Variants in KRT77 observed in about 807,000 individuals in gnomAD.
The protein encoded by KRT77 is keratin 77.
A neutral mutation model predicts 51.5 loss-of-function variants in KRT77; 44 were observed. The observed-to-expected ratio is 0.85, with a 90% confidence interval of 0.67 to 1.10. The LOEUF (loss-of-function observed/expected upper bound fraction) is 1.10, where lower values mean the gene tolerates loss of function less well. KRT77 is among the 50% of genes least tolerant of loss of function. KRT77 has a pLI of 0.00. For synonymous variants in KRT77, 293 were observed against 302.0 expected (o/e 0.97, Z 0.31); for missense variants, 763 against 743.9 (o/e 1.03, Z -0.30).
Position 52,700,880 on chromosome 12 carries a change from G to T in KRT77, c.543+2012C>A, listed in dbSNP as rs140977403. ...GGCTCTGCTGTGGTGTCAAGTATAGGCTATACAGGGTCAAGGGTGAAAGCA... is the reference window on the plus strand; with the variant it reads ...GGCTCTGCTGTGGTGTCAAGTATAGTCTATACAGGGTCAAGGGTGAAAGCA... On this transcript the variant is annotated intron_variant, in intron 1 of 8. Transcript: ENST00000341809. 3.0e-3 allele frequency among the ~76,000 whole-genome samples: 450 copies of T among 152,300 alleles called. 5 individuals are homozygous for T. Among genetic ancestry groups the T allele is most frequent in the African/African-American group, 0.01 (429 of 41,550 alleles).
intron 1 of KRT77, among the ~76,000 whole-genome samples, chr12:52,699,593 C>A (rs1941854114): frequency 6.6e-6 from 1 of 152,236 alleles, no homozygotes; most frequent in Admixed American, 6.5e-5. Flanking sequence ...CCTTCTCGCC[C>A]ACCCTCTGCT....
In KRT77 at chr12:52,690,937, G is replaced by A. The variant is rs927943611; in HGVS notation, c.*228C>T. ...AGGGCCAGCAGAGCGGGGTCTGAGT[G>A]AGAATGTGCCTAGCTGTGAATCTGA... On this transcript the variant is annotated 3_prime_UTR_variant, in exon 9 of 9. Coordinates refer to ENST00000341809, the MANE Select transcript of KRT77 (RefSeq NM_175078.3). 12 of 626,492 alleles carry A rather than the reference G, an allele frequency of 1.9e-5. No homozygotes were observed. Among genetic ancestry groups the A allele is most frequent in the African/African-American group, 1.5e-4 (8 of 53,640 alleles). The allele number at this position is 626,492 out of a possible 1,614,324, so 38.8% of individuals were successfully genotyped here.
chr12:52,695,996 A>G (rs1941790311), intron 3 of KRT77, 129 bp from the exon 4 acceptor site: 2 of 666,098 alleles, frequency 3.0e-6, no homozygotes, highest in South Asian at 3.5e-5. Context: ...TCATCACCGC[A>G]CTCGAATAAG....
At chr12:52,696,619 C>T (rs1293879119) in intron 2 of KRT77, 189 bp from the exon 3 acceptor site, 2 of 579,452 alleles carry the variant, frequency 3.5e-6, no homozygotes, top group South Asian at 2.3e-5. Context: ...GAGCCAACTC[C>T]TAGGTCTGTG....
Position 52,692,799 on chromosome 12 carries a change from T to G in KRT77, c.1162A>C (p.Thr388Pro), listed in dbSNP as rs1210675064. 2 of 1,604,282 alleles carry G rather than the reference T, an allele frequency of 1.2e-6. No individual in the cohort carries two copies. The highest frequency in any genetic ancestry group is 1.7e-6 in the Non-Finnish European group (2 of 1,171,724). The part of the protein sequence containing the change: ...SKMEIAELNR[T>P]VQRLQAEISN... ...ATCTCTGCCTGCAGCCTCTGGACGG[T>G]GCGGTTGAGCTCTGCAATCTCCATC... The change falls in exon 6 of 9, where the codon ACC (threonine) becomes CCC (proline). Residue 388 changes from threonine (T) to proline (P), a missense_variant. Coordinates refer to ENST00000341809, the MANE Select transcript of KRT77 (RefSeq NM_175078.3).
rs767088475 is a variant in KRT77 at position 52,694,805 on chromosome 12, G to A, written c.916-15C>T. ...TGAGACAGCTCCTGCGAGGCATGGCGCACAGGCTGACTCCTTCCATTCTCC... is the reference window on the plus strand; with the variant it reads ...TGAGACAGCTCCTGCGAGGCATGGCACACAGGCTGACTCCTTCCATTCTCC... On this transcript the variant is annotated splice_polypyrimidine_tract_variant and intron_variant, in intron 4 of 8. Coordinates refer to ENST00000341809, the MANE Select transcript of KRT77 (RefSeq NM_175078.3). The A allele has an allele frequency of 1.4e-5, 22 of 1,588,310 alleles. No individual in the cohort carries two copies. Among genetic ancestry groups the A allele is most frequent in the Admixed American group, 3.4e-5 (2 of 59,414 alleles).
intron 7 of KRT77, 106 bp downstream of exon 7, chr12:52,692,315 A>G: frequency 7.8e-7 from 1 of 1,289,668 alleles, no homozygotes; most frequent in Non-Finnish European, 1.1e-6. Flanking sequence ...CTGGGCTACC[A>G]ATCTTCCCAA....
intron 5 of KRT77, 30 bp from the exon 6 acceptor site, chr12:52,692,910 A>ATG (rs1295434787): frequency 1.2e-6 from 2 of 1,600,066 alleles, no homozygotes; most frequent in South Asian, 2.2e-5. Flanking sequence ...CATAGTCAGC[A>ATG]TGTGCTGCCC....
In KRT77 at chr12:52,699,148, G is replaced by C. The variant is rs969525876; in HGVS notation, c.544-1252C>G. Among the ~76,000 whole-genome samples the C allele has an allele frequency of 3.3e-5, 5 of 152,330 alleles. 1 individual carries two copies. In the South Asian group the frequency reaches 1.0e-3, roughly 32 times the overall value. ...TTGTCAGCACAGCTCACAACACCGT[G>C]AGAAATTCCTGCCACTCTCTATTTT... On this transcript the variant is annotated intron_variant, in intron 1 of 8. Coordinates refer to ENST00000341809, the MANE Select transcript of KRT77 (RefSeq NM_175078.3).
In KRT77 at chr12:52,690,114, C is replaced by T. The variant is rs1592270282; in HGVS notation, c.*1051G>A. ...CCCGAGGCACCTGGATGGAACAGAG[C>T]TGGGCTTCACATGCCCACCCAATGG... On this transcript the variant is annotated 3_prime_UTR_variant, in exon 9 of 9. Transcript: ENST00000341809. The T allele has an allele frequency of 6.6e-6, 1 of 152,362 alleles. No individual in the cohort carries two copies. Among genetic ancestry groups the T allele is most frequent in the South Asian group, 2.1e-4 (1 of 4,824 alleles). The allele number at this position is 152,362 out of a possible 1,614,324, so 9.4% of individuals were successfully genotyped here. A position where few individuals can be genotyped will look rare whatever the true frequency, so the allele number is the denominator to read the frequency against.
rs147856424 is a variant in KRT77, at chr12:52,692,499, T to C, written c.1349A>G (p.Gln450Arg). 15 of 1,613,904 alleles carry C rather than the reference T, an allele frequency of 9.3e-6. No individual in the cohort carries two copies. The African/African-American group carries it at 1.7e-4, about 19-fold the overall frequency. ...EELARLLRDY[Q>R]AMLGVKLSLD... Reference sequence around the variant, plus strand: ...GGACAGCTTGACCCCCAGCATGGCCTGGTAGTCACGCAGCAGCCGGGCCAG... The same window carrying C: ...GGACAGCTTGACCCCCAGCATGGCCCGGTAGTCACGCAGCAGCCGGGCCAG... The change falls in exon 7 of 9, where the codon CAG (glutamine) becomes CGG (arginine). Residue 450 changes from glutamine (Q) to arginine (R), a missense_variant. By Grantham distance (43) the Gln-to-Arg change is conservative (BLOSUM62 1). Transcript: ENST00000341809.
Position 52,697,357 on chromosome 12 carries a change from A to C in KRT77, c.758+325T>G, listed in dbSNP as rs114065142. On this transcript the variant is annotated intron_variant, in intron 2 of 8. Coordinates refer to ENST00000341809, the MANE Select transcript of KRT77 (RefSeq NM_175078.3). ...GGAAGGTTCTTGCTATTCCCACATT[A>C]CTAATGTGAACACTAGAAACTTAAA... Among the ~76,000 whole-genome samples, 430 of 152,346 alleles carry C rather than the reference A, an allele frequency of 2.8e-3. 1 individual carries two copies. The highest frequency in any genetic ancestry group is 9.7e-3 in the African/African-American group (405 of 41,580).
chr12:52,693,734 T>A (rs1046306136), intron 5 of KRT77: 1 of 151,016 alleles, frequency 6.6e-6, no homozygotes, highest in Non-Finnish European at 1.5e-5. Context: ...GTTGATCTAA[T>A]AAGGGAGGGT....
At chr12:52,700,138 C>T (rs1392067394) in intron 1 of KRT77, among the ~76,000 whole-genome samples, 2 of 152,150 alleles carry the variant, frequency 1.3e-5, no homozygotes, top group Non-Finnish European at 2.9e-5. Flanking sequence ...TCTGAGCGTC[C>T]AGCACTGACC....
intron 1 of KRT77, among the ~76,000 whole-genome samples, chr12:52,700,689 G>A (rs892192466): frequency 1.3e-5 from 2 of 152,210 alleles, no homozygotes; most frequent in African/African-American, 4.8e-5. Context: ...ACCCAGTGAG[G>A]GCAACGTGGC....
At chr12:52,694,826 T>C (rs1394809926) in intron 4 of KRT77, 36 bp from the exon 5 acceptor site, 4 of 1,548,416 alleles carry the variant, frequency 2.6e-6, no homozygotes, top group Non-Finnish European at 3.5e-6. Flanking sequence ...CTCCTTCCAT[T>C]CTCCTCTGGG....
At chr12:52,698,063 A>G (rs1038510185) in intron 1 of KRT77, 167 bp from the exon 2 acceptor site, 4 of 1,457,418 alleles carry the variant, frequency 2.7e-6, no homozygotes, top group African/African-American at 2.8e-5. Flanking sequence ...ACAGAGGGCA[A>G]TGTGGTTTCT....
chr12:52,694,589 T>C, intron 5 of KRT77, 37 bp downstream of exon 5: 1 of 1,547,076 alleles, frequency 6.5e-7, no homozygotes, highest in Non-Finnish European at 8.8e-7. Flanking sequence ...GGGAAGAATC[T>C]GTTTTTCTGG....
intron 4 of KRT77, among the ~76,000 whole-genome samples, 189 bp downstream of exon 4, chr12:52,695,583 C>T (rs1361798538): frequency 6.6e-6 from 1 of 152,172 alleles, no homozygotes; most frequent in Non-Finnish European, 1.5e-5. Flanking sequence ...ATCTTCATTA[C>T]CCCGACCTGG....
Sources: gnomAD v4.1 joint callset for allele counts (sites outside exome capture counted in the v4.1 genomes callset) on GRCh38, gnomAD v4.1.1 for gene constraint, MANE v1.5 for transcripts, NCBI Gene and HGNC (gene_info 2026-07-23, HGNC 2026-07-21) for gene names.